F13A1: variants seen among roughly 807,000 people sequenced by gnomAD.
The protein encoded by F13A1 is coagulation factor XIII A chain, also known as FSF, A subunit.
Under a neutral mutation model 80.1 loss-of-function variants are expected in F13A1, and 47 were observed. That is an observed-to-expected ratio of 0.59 (90% CI 0.46 to 0.75). The LOEUF (loss-of-function observed/expected upper bound fraction) is 0.75. Ranked by LOEUF, F13A1 falls within the 30% of genes least tolerant of loss-of-function variation. The pLI is 0.00. For missense variants in F13A1, 817 were observed against 930.4 expected, an observed-to-expected ratio of 0.88 and a Z score of 1.59; for synonymous variants, 349 against 344.9, an observed-to-expected ratio of 1.01 and a Z score of -0.13.
chr6:6,225,338 AC>A (rs1234940708), intron 6 of F13A1, among the ~76,000 whole-genome samples: 2 of 152,244 alleles, frequency 1.3e-5, no homozygotes, highest in Non-Finnish European at 2.9e-5. Context: ...GGTAGACTCT[AC>A]CGACTTGAAA....
At chr6:6,284,970 GTTCA>G (rs984889395) in intron 3 of F13A1, among the ~76,000 whole-genome samples, 2 of 152,216 alleles carry the variant, frequency 1.3e-5, no homozygotes, top group African/African-American at 4.8e-5. Flanking sequence ...CTCTGACTGT[GTTCA>G]TTGTTTGTGG....
intron 11 of F13A1, among the ~76,000 whole-genome samples, chr6:6,177,081 G>A (rs531833767): frequency 6.6e-6 from 1 of 152,308 alleles, no homozygotes; most frequent in African/African-American, 2.4e-5. Context: ...TATGCTGCGT[G>A]CTCTGGCATC....
At position 6,174,751 on chromosome 6, in the gene F13A1, C is replaced by G; in HGVS notation, c.1576G>C (p.Glu526Gln). Residue 526 changes from glutamate to glutamine, a missense_variant, in exon 12 of 15, where the codon GAA becomes CAA. Physicochemically the swap from Glu to Gln is conservative, Grantham distance 29. Coordinates refer to ENST00000264870, the MANE Select transcript of F13A1 (RefSeq NM_000129.4). ...AAGTCTTTTCCCAGCACAGCATTTT[C>G]CACTTCAAAGTCCATGTCAACGTTG... ...RSNVDMDFEV[E>Q]NAVLGKDFKL... 1 of 1,614,188 alleles carries G rather than the reference C, an allele frequency of 6.2e-7. No individual in the cohort carries two copies. Among genetic ancestry groups the G allele is most frequent in the South Asian group, 1.1e-5 (1 of 91,088 alleles).
intron 2 of F13A1, among the ~76,000 whole-genome samples, chr6:6,307,223 G>C (rs1419288457): frequency 2.0e-5 from 3 of 152,116 alleles, no homozygotes; most frequent in African/African-American, 7.2e-5. Context: ...CACAGGGCGT[G>C]GTGCTCCCCG....
intron 8 of F13A1, among the ~76,000 whole-genome samples, chr6:6,206,821 T>C (rs1583071408): frequency 6.6e-6 from 1 of 150,654 alleles, no homozygotes; most frequent in African/African-American, 2.5e-5. Flanking sequence ...TACAATAATA[T>C]GTGTTTCAGC....
chr6:6,150,873 C>T (rs1561943003), intron 14 of F13A1, among the ~76,000 whole-genome samples: 1 of 151,822 alleles, frequency 6.6e-6, no homozygotes, highest in Non-Finnish European at 1.5e-5. Context: ...GAGCTGAAAC[C>T]ATGTTAGAGG....
Position 6,224,838 on chromosome 6 carries a change from C to T in F13A1, c.821G>A (p.Gly274Asp), listed in dbSNP as rs1303550782. The T allele has an allele frequency of 6.2e-7, 1 of 1,613,948 alleles. No homozygotes were observed. Among genetic ancestry groups the T allele is most frequent in the Admixed American group, 1.7e-5 (1 of 60,002 alleles). The change falls in exon 7 of 15, where the codon GGT becomes GAT. Residue 274 changes from glycine to aspartate, a missense_variant. Gly to Asp is a moderately conservative substitution (Grantham distance 94). Coordinates refer to ENST00000264870, the MANE Select transcript of F13A1 (RefSeq NM_000129.4). ...SAMVNAKDDEGVLVGSWDNIY... is the reference protein window; with the variant it reads ...SAMVNAKDDEDVLVGSWDNIY... ...ATTGTCCCAGGATCCAACGAGGACA[C>T]CTTCGTCATCTTTGGCATTCACCTA...
intron 13 of F13A1, among the ~76,000 whole-genome samples, chr6:6,152,582 A>G (rs1387969261): frequency 1.3e-5 from 2 of 152,202 alleles, no homozygotes; most frequent in East Asian, 3.9e-4. Flanking sequence ...GAAGAACACC[A>G]CAGGAGACAG....
At chr6:6,261,490 A>G (rs978354796) in intron 4 of F13A1, among the ~76,000 whole-genome samples, 2 of 152,338 alleles carry the variant, frequency 1.3e-5, no homozygotes, top group Admixed American at 6.5e-5. Flanking sequence ...CAGCAACAGC[A>G]TCTCCCAGGA....
intron 13 of F13A1, among the ~76,000 whole-genome samples, chr6:6,157,244 T>C (rs907174839): frequency 1.4e-4 from 21 of 152,170 alleles, no homozygotes; most frequent in Non-Finnish European, 2.2e-4. Flanking sequence ...CCTATGGTCT[T>C]GGGGGTAGAC....
intron 4 of F13A1, among the ~76,000 whole-genome samples, chr6:6,261,231 T>A (rs889667992): frequency 2.6e-5 from 4 of 152,226 alleles, no homozygotes; most frequent in Non-Finnish European, 5.9e-5. Flanking sequence ...TCTCCCGAAG[T>A]GCTGGGATTA....
intron 6 of F13A1, among the ~76,000 whole-genome samples, chr6:6,225,679 T>G (rs1757267231): frequency 6.6e-6 from 1 of 152,030 alleles, no homozygotes; most frequent in Non-Finnish European, 1.5e-5. Context: ...AAATTTATTT[T>G]TTTTGTAGAG....
At chr6:6,263,935 C>T (rs181913404) in intron 4 of F13A1, among the ~76,000 whole-genome samples, 1 of 152,314 alleles carries the variant, frequency 6.6e-6, no homozygotes, top group Admixed American at 6.5e-5. Context: ...TTGTCCTAGA[C>T]CACAGCTTCC....
chr6:6,208,986 G>A (rs1337468743), intron 8 of F13A1, among the ~76,000 whole-genome samples: 1 of 152,088 alleles, frequency 6.6e-6, no homozygotes, highest in African/African-American at 2.4e-5. Flanking sequence ...TAATTAAAAA[G>A]TTGGATTTTA....
chr6:6,286,968 A>G (rs1561679667), intron 3 of F13A1, among the ~76,000 whole-genome samples: 3 of 152,196 alleles, frequency 2.0e-5, no homozygotes. Flanking sequence ...ACATAGTTGC[A>G]ATATTGAAAA....
intron 3 of F13A1, among the ~76,000 whole-genome samples, chr6:6,289,017 T>C (rs1022706141): frequency 2.0e-5 from 3 of 152,240 alleles, no homozygotes; most frequent in South Asian, 2.1e-4. Context: ...CCTGTGAACA[T>C]TGGTTTCCAT....
chr6:6,252,428 G>A (rs1757646051), intron 4 of F13A1, among the ~76,000 whole-genome samples: 1 of 152,060 alleles, frequency 6.6e-6, no homozygotes, highest in Non-Finnish European at 1.5e-5. Flanking sequence ...TATGTATACT[G>A]TATATATGTC....
At chr6:6,218,653 A>G (rs921480537) in intron 8 of F13A1, among the ~76,000 whole-genome samples, 2 of 152,288 alleles carry the variant, frequency 1.3e-5, no homozygotes, top group Middle Eastern at 3.4e-3. Flanking sequence ...TGTTGGCGTC[A>G]ACAGTGGGGC....
At chr6:6,146,675 G>A (rs1190335434) in intron 14 of F13A1, among the ~76,000 whole-genome samples, 1 of 152,144 alleles carries the variant, frequency 6.6e-6, no homozygotes, top group Non-Finnish European at 1.5e-5. Context: ...CAAGAAAAAT[G>A]GAAGGTAACC....
Sources: allele counts gnomAD v4.1 joint callset (sites outside exome capture counted in the v4.1 genomes callset), GRCh38; gene constraint gnomAD v4.1.1; transcripts MANE v1.5; gene names NCBI Gene and HGNC (gene_info 2026-07-23, HGNC 2026-07-21).